Variants in CDH13 observed in about 807,000 individuals in gnomAD.
CDH13 encodes cadherin-13.
CDH13 carries 24 observed loss-of-function variants against 63.8 expected under a neutral mutation model. The observed-to-expected ratio is 0.38, with a 90% confidence interval of 0.27 to 0.53. The LOEUF (loss-of-function observed/expected upper bound fraction) is 0.53, where lower values mean the gene tolerates loss of function less well. Ranked by LOEUF, CDH13 falls within the 20% of genes least tolerant of loss-of-function variation. CDH13 has a pLI of 0.85. For synonymous variants in CDH13, 503 were observed against 355.3 expected (o/e 1.42, Z -4.67); for missense variants, 1,049 against 903.1 (o/e 1.16, Z -2.07).
chr16:83,434,756 G>A (rs565875469), intron 6 of CDH13, among the ~76,000 whole-genome samples: 5 of 150,474 alleles, frequency 3.3e-5, no homozygotes, highest in African/African-American at 9.8e-5. Flanking sequence ...CTCTGCTGTC[G>A]CCCTAACCAA....
At chr16:83,345,808 A>G (rs528271327) in intron 6 of CDH13, among the ~76,000 whole-genome samples, 1 of 152,338 alleles carries the variant, frequency 6.6e-6, no homozygotes, top group East Asian at 1.9e-4. Flanking sequence ...AAAAAACACC[A>G]TATTAAGAGT....
intron 6 of CDH13, among the ~76,000 whole-genome samples, chr16:83,389,315 T>C (rs2091739107): frequency 6.6e-6 from 1 of 152,224 alleles, no homozygotes; most frequent in Non-Finnish European, 1.5e-5. Flanking sequence ...TTTTAGGTGT[T>C]TGTGTGTGTA....
At chr16:83,574,709 G>A (rs905877100) in intron 7 of CDH13, among the ~76,000 whole-genome samples, 1 of 152,070 alleles carries the variant, frequency 6.6e-6, no homozygotes, top group Non-Finnish European at 1.5e-5. Flanking sequence ...GTAGCTTCGC[G>A]AATCACGACC....
chr16:83,387,732 G>A (rs1035399543), intron 6 of CDH13, among the ~76,000 whole-genome samples: 1 of 152,154 alleles, frequency 6.6e-6, no homozygotes, highest in African/African-American at 2.4e-5. Context: ...GTGGACAATG[G>A]GGACCAGTGA....
At chr16:83,278,080 C>T (rs2089048557) in intron 5 of CDH13, among the ~76,000 whole-genome samples, 1 of 152,126 alleles carries the variant, frequency 6.6e-6, no homozygotes, top group Non-Finnish European at 1.5e-5. Context: ...AGTATTGCAG[C>T]ATGAGCAGGA....
At chr16:83,676,764 C>T (rs1296966767) in intron 9 of CDH13, among the ~76,000 whole-genome samples, 2 of 152,216 alleles carry the variant, frequency 1.3e-5, no homozygotes, top group East Asian at 1.9e-4. Flanking sequence ...TGTGGGCACA[C>T]ACTCTCCCAT....
intron 7 of CDH13, among the ~76,000 whole-genome samples, chr16:83,493,704 A>G (rs994053681): frequency 2.6e-5 from 4 of 152,262 alleles, no homozygotes; most frequent in African/African-American, 9.6e-5. Flanking sequence ...TTCTAATGTC[A>G]TTCAAACGAT....
At chr16:83,274,116 C>T (rs8043826) in intron 5 of CDH13, among the ~76,000 whole-genome samples, 56,064 of 151,810 alleles carry the variant, frequency 0.37, 10,557 homozygotes, top group East Asian at 0.59. Flanking sequence ...GCCAGGCCGT[C>T]TCCTCCATCC....
At chr16:83,376,881 C>G (rs1013815475) in intron 6 of CDH13, among the ~76,000 whole-genome samples, 4 of 152,120 alleles carry the variant, frequency 2.6e-5, no homozygotes, top group Non-Finnish European at 4.4e-5. Context: ...AATTTACTGT[C>G]TCTTGCAACG....
intron 4 of CDH13, among the ~76,000 whole-genome samples, chr16:83,186,219 A>T (rs2038518892): frequency 6.6e-6 from 1 of 151,230 alleles, no homozygotes; most frequent in South Asian, 2.1e-4. Flanking sequence ...ACTGCAGCCA[A>T]CCTCCGCCTC....
At chr16:83,254,949 C>CTTTTCCTTTCTTTCGTTCGTTCTT (rs1358807734) in intron 5 of CDH13, among the ~76,000 whole-genome samples, 1 of 6,728 alleles carries the variant, frequency 1.5e-4, no homozygotes, top group African/African-American at 1.8e-4. Context: ...TTTTCTTTTT[C>CTTTTCCTTTCTTTCGTTCGTTCTT]TCTTTCTTTC....
intron 10 of CDH13, among the ~76,000 whole-genome samples, chr16:83,683,742 TTTGG>T (rs531087603): frequency 8.7e-4 from 132 of 152,352 alleles, no homozygotes; most frequent in African/African-American, 3.1e-3. Flanking sequence ...CTGAAAATAC[TTTGG>T]TTGAGCAAAA....
intron 7 of CDH13, among the ~76,000 whole-genome samples, chr16:83,517,713 G>A (rs1422729629): frequency 1.3e-5 from 2 of 152,040 alleles, no homozygotes; most frequent in Non-Finnish European, 2.9e-5. Flanking sequence ...TGGATCTAAG[G>A]GCAAAAATGC....
intron 4 of CDH13, among the ~76,000 whole-genome samples, chr16:83,194,859 G>A (rs1377351491): frequency 2.6e-5 from 4 of 152,112 alleles, no homozygotes; most frequent in African/African-American, 7.2e-5. Context: ...GAGGCAAGGT[G>A]GCTTCATTAT....
At chr16:82,898,353 C>T (rs1008531895) in intron 2 of CDH13, among the ~76,000 whole-genome samples, 5 of 152,064 alleles carry the variant, frequency 3.3e-5, no homozygotes, top group South Asian at 2.1e-4. Flanking sequence ...CGTGAAACCC[C>T]GTCTCTACTA....
intron 1 of CDH13, among the ~76,000 whole-genome samples, chr16:82,689,666 A>G (rs1253580910): frequency 2.0e-5 from 3 of 152,244 alleles, no homozygotes; most frequent in Non-Finnish European, 4.4e-5. Flanking sequence ...ATGGATGTGC[A>G]TAGCCCCCTC....
At chr16:83,260,475 G>A (rs188809117) in intron 5 of CDH13, among the ~76,000 whole-genome samples, 1 of 152,284 alleles carries the variant, frequency 6.6e-6, no homozygotes, top group East Asian at 1.9e-4. Context: ...CTACCAAGGG[G>A]AGTCTGTGGG....
At chr16:82,764,308 C>G (rs1255030679) in intron 1 of CDH13, among the ~76,000 whole-genome samples, 1 of 152,120 alleles carries the variant, frequency 6.6e-6, no homozygotes, top group Admixed American at 6.5e-5. Flanking sequence ...TTCCCAATAC[C>G]ATGGTCTTGC....
At chr16:83,148,833 C>T (rs76140030) in intron 4 of CDH13, among the ~76,000 whole-genome samples, 2 of 151,996 alleles carry the variant, frequency 1.3e-5, no homozygotes, top group Non-Finnish European at 2.9e-5. Context: ...AAAATATTTA[C>T]TCTTTTTTAA....
Sources: allele counts gnomAD v4.1 joint callset (sites outside exome capture counted in the v4.1 genomes callset), GRCh38; gene constraint gnomAD v4.1.1; transcripts MANE v1.5; gene names NCBI Gene and HGNC (gene_info 2026-07-23, HGNC 2026-07-21).